The following EFCAB6 variants were observed in gnomAD, a reference collection of about 807,000 sequenced individuals.
EFCAB6 encodes the protein EF-hand calcium-binding domain-containing protein 6.
In EFCAB6, 156 loss-of-function variants were observed where a neutral mutation model predicts 169.8. The observed-to-expected ratio is 0.92, with a 90% CI of 0.81 to 1.05. EFCAB6 has a LOEUF of 1.05. Ranked by LOEUF, EFCAB6 falls within the 50% of genes least tolerant of loss-of-function variation. EFCAB6 has a pLI of 0.00. For missense variants in EFCAB6, 1,800 were observed against 1,829.1 expected (o/e 0.98, Z 0.29); for synonymous variants, 698 against 676.4 (o/e 1.03, Z -0.50).
Position 43,782,307 on chromosome 22 carries a change from C to T in EFCAB6, c.12G>A (p.Met4Ile), listed in dbSNP as rs773284910. MCKMAIIPDWLRSH... is the reference protein window; with the variant it reads MCKIAIIPDWLRSH... ...ACCTAAGCCAGTCTGGTATAATCGC[C>T]ATTTTGCACATTAAATCCCTGTGAT... The change falls in exon 3 of 32, where the codon ATG becomes ATA. Residue 4 changes from methionine to isoleucine, a missense_variant. Physicochemically the swap from Met to Ile is conservative, Grantham distance 10. Coordinates refer to ENST00000262726, the MANE Select transcript of EFCAB6 (RefSeq NM_022785.4). The T allele has an allele frequency of 1.9e-6, 3 of 1,612,886 alleles. No homozygotes were observed. The East Asian group carries it at 6.7e-5, about 36-fold the overall frequency.
chr22:43,631,447 G>A (rs528338015), intron 19 of EFCAB6, among the ~76,000 whole-genome samples: 6 of 151,962 alleles, frequency 3.9e-5, no homozygotes, highest in Non-Finnish European at 8.8e-5. Context: ...CAGAGCCCAT[G>A]CCTCATCTGT....
At chr22:43,765,849 A>T (rs2061310849) in intron 4 of EFCAB6, among the ~76,000 whole-genome samples, 1 of 152,186 alleles carries the variant, frequency 6.6e-6, no homozygotes, top group African/African-American at 2.4e-5. Context: ...CACAAAGGAT[A>T]TCATTGGGTC....
At chr22:43,687,445 TTG>T in intron 11 of EFCAB6, 24 bp downstream of exon 11, 5 of 1,214,658 alleles carry the variant, frequency 4.1e-6, no homozygotes, top group South Asian at 1.5e-5. Flanking sequence ...TAACTAAAAT[TTG>T]TTTTTTTTTT....
intron 6 of EFCAB6, among the ~76,000 whole-genome samples, chr22:43,750,284 GATT>G (rs1188497215): frequency 6.6e-6 from 1 of 152,112 alleles, no homozygotes; most frequent in Admixed American, 6.5e-5. Flanking sequence ...AATGCCAACG[GATT>G]ATTTTGTGGT....
At chr22:43,531,062 C>A in intron 30 of EFCAB6, 98 bp from the exon 31 acceptor site, 1 of 1,509,910 alleles carries the variant, frequency 6.6e-7, no homozygotes, top group South Asian at 1.2e-5. Context: ...CAGCCCTGCT[C>A]CGGCTTCACC....
chr22:43,702,714 CA>C (rs1178063273), intron 10 of EFCAB6, among the ~76,000 whole-genome samples: 2 of 152,080 alleles, frequency 1.3e-5, no homozygotes, highest in Non-Finnish European at 2.9e-5. Context: ...GTGTACCTGC[CA>C]ACAGTGGTGC....
At chr22:43,613,807 C>A (rs2053495839) in intron 21 of EFCAB6, among the ~76,000 whole-genome samples, 1 of 152,002 alleles carries the variant, frequency 6.6e-6, no homozygotes, top group Non-Finnish European at 1.5e-5. Context: ...TAGCACCCCC[C>A]AAAATGAAAT....
chr22:43,634,668 T>TG (rs2055246902), intron 18 of EFCAB6, among the ~76,000 whole-genome samples: 2 of 39,396 alleles, frequency 5.1e-5, no homozygotes, highest in South Asian at 7.7e-4. Flanking sequence ...TAACATCCGG[T>TG]GGGGGGCGGG....
Position 43,617,276 on chromosome 22 carries a change from C to G in EFCAB6, c.2466-1354G>C, listed in dbSNP as rs558738113. ...CTATTTCCCTGCCTTCACTTTTAGA[C>G]TCCTCCTAAATTCCACCTGCACCAG... is the stretch of plus-strand genomic sequence containing the variant. On this transcript the variant is annotated intron_variant, in intron 20 of 31. Transcript: ENST00000262726. Among the ~76,000 whole-genome samples the G allele has an allele frequency of 6.6e-5, 10 of 152,342 alleles. 2 individuals are homozygous for G. Among genetic ancestry groups the G allele is most frequent in the African/African-American group, 2.4e-4 (10 of 41,592 alleles).
At chr22:43,579,231 C>A (rs1014395116) in intron 25 of EFCAB6, among the ~76,000 whole-genome samples, 4 of 151,170 alleles carry the variant, frequency 2.6e-5, no homozygotes, top group African/African-American at 7.3e-5. Flanking sequence ...TACATGCAGG[C>A]ATCATACCCT....
intron 9 of EFCAB6, 150 bp from the exon 10 acceptor site, chr22:43,711,773 G>T: frequency 1.1e-6 from 1 of 879,026 alleles, no homozygotes; most frequent in Non-Finnish European, 1.6e-6. Flanking sequence ...AACTTCAAAT[G>T]TTTAATTGAT....
chr22:43,806,853 T>A (rs770724719), intron 2 of EFCAB6, among the ~76,000 whole-genome samples: 1 of 152,242 alleles, frequency 6.6e-6, no homozygotes, highest in African/African-American at 2.4e-5. Context: ...TTAAGTCTTA[T>A]AGGTGTGCTT....
intron 17 of EFCAB6, among the ~76,000 whole-genome samples, chr22:43,644,751 C>G (rs1396122881): frequency 6.6e-6 from 1 of 152,088 alleles, no homozygotes; most frequent in East Asian, 1.9e-4. Context: ...ATATATTATT[C>G]CCATAAAAAC....
chr22:43,794,349 C>T (rs534504676), intron 2 of EFCAB6, among the ~76,000 whole-genome samples: 1 of 152,170 alleles, frequency 6.6e-6, no homozygotes, highest in Non-Finnish European at 1.5e-5. Flanking sequence ...CACTATTATC[C>T]ATATTTTTAG....
At chr22:43,779,469 CG>C (rs1422599447) in intron 3 of EFCAB6, among the ~76,000 whole-genome samples, 17 of 152,162 alleles carry the variant, frequency 1.1e-4, no homozygotes, top group Admixed American at 9.8e-4. Context: ...ATGCCGGGCA[CG>C]GTGGCTCATG....
intron 8 of EFCAB6, among the ~76,000 whole-genome samples, chr22:43,729,423 T>C (rs1447017779): frequency 3.3e-5 from 5 of 152,100 alleles, no homozygotes; most frequent in Non-Finnish European, 5.9e-5. Context: ...ACATGAGATT[T>C]GGAAGAGACA....
intron 18 of EFCAB6, among the ~76,000 whole-genome samples, chr22:43,634,340 T>G (rs770297480): frequency 6.6e-6 from 1 of 151,882 alleles, no homozygotes; most frequent in Admixed American, 6.6e-5. Context: ...CTCTAAGGGG[T>G]GGCAAATGAC....
chr22:43,571,787 G>A (rs1334968658), intron 26 of EFCAB6, among the ~76,000 whole-genome samples: 2 of 152,108 alleles, frequency 1.3e-5, no homozygotes, highest in African/African-American at 2.4e-5. Flanking sequence ...CATTTACTAC[G>A]ACCAGAACTG....
intron 20 of EFCAB6, among the ~76,000 whole-genome samples, chr22:43,619,706 GA>G (rs1401297247): frequency 2.0e-5 from 3 of 151,938 alleles, no homozygotes; most frequent in Admixed American, 2.0e-4. Context: ...GAACAAAAGA[GA>G]AAATAAAAAT....
Sources: allele counts gnomAD v4.1 joint callset (sites outside exome capture counted in the v4.1 genomes callset), GRCh38; gene constraint gnomAD v4.1.1; transcripts MANE v1.5; gene names NCBI Gene and HGNC (gene_info 2026-07-23, HGNC 2026-07-21).